The following ATP11A variants were observed in gnomAD, a reference collection of about 807,000 sequenced individuals.
ATP11A encodes ATPase phospholipid transporting 11A, also known as phospholipid-transporting ATPase IH.
A neutral mutation model predicts 154.4 loss-of-function variants in ATP11A; 81 were observed. The ratio of observed to expected loss-of-function variants is 0.52; its 90% CI spans 0.44 to 0.63. ATP11A has a LOEUF of 0.63. ATP11A is among the 30% of genes least tolerant of loss of function. The probability of loss-of-function intolerance (pLI) is 0.00; values close to 1 mark genes in which losing one functional copy is unlikely to be tolerated. For missense variants in ATP11A, 1,316 were observed against 1,474.3 expected (o/e 0.89, Z 1.76); for synonymous variants, 623 against 585.9 (o/e 1.06, Z -0.91).
chr13:112,878,763 T>C (rs1566608786), intron 29 of ATP11A, among the ~76,000 whole-genome samples: 1 of 152,246 alleles, frequency 6.6e-6, no homozygotes, highest in African/African-American at 2.4e-5. Flanking sequence ...GTGCCCATTC[T>C]GCAGCTGGAA....
rs1410324605 is a variant in ATP11A, at chr13:112,865,140, C to T, written c.2991+2565C>T. On this transcript the variant is annotated intron_variant, in intron 25 of 29. Transcript: ENST00000375645. ...CCAGCGGGGTCCATCACCACCTGCG[C>T]AGTAATTCAGTGCAGGCCCGCGCAG... is the stretch of plus-strand genomic sequence containing the variant. 2.1e-5 allele frequency among the ~76,000 whole-genome samples: 2 copies of T among 95,360 alleles called. 1 individual carries two copies. Among genetic ancestry groups the T allele is most frequent in the Non-Finnish European group, 4.4e-5 (2 of 45,858 alleles). The allele number at this position is 95,360 out of a possible 152,430, so 62.6% of individuals were successfully genotyped here. A position where few individuals can be genotyped will look rare whatever the true frequency, so the allele number is the denominator to read the frequency against.
Position 112,805,044 on chromosome 13 carries a change from C to T in ATP11A, c.250C>T (p.Gln84Ter). 1 of 1,598,592 alleles carries T rather than the reference C, an allele frequency of 6.3e-7. No homozygotes were observed. Among genetic ancestry groups the T allele is most frequent in the Non-Finnish European group, 8.5e-7 (1 of 1,172,362 alleles). The change falls in exon 3 of 30, where the codon CAG becomes TAG. Residue 84 changes from glutamine to a stop codon, truncating the protein, a stop_gained and splice_region_variant. Transcript: ENST00000375645. LOFTEE classifies it high-confidence loss of function. ...NFYFLIIFLV[Q>*]LIIDTPTSPV... Reference sequence around the variant, plus strand: ...TTATTTCCTTATCATATTTCTGGTGCAGGTAAGGCCGGTCATTGTTTTCCA... The same window carrying T: ...TTATTTCCTTATCATATTTCTGGTGTAGGTAAGGCCGGTCATTGTTTTCCA...
At chr13:112,864,083 G>A (rs1301536846) in intron 25 of ATP11A, among the ~76,000 whole-genome samples, 2 of 87,184 alleles carry the variant, frequency 2.3e-5, no homozygotes, top group Admixed American at 1.4e-4. Context: ...AGGCCATGCA[G>A]CTTCTCAGCG....
At chr13:112,766,057 C>T (rs899487449) in intron 1 of ATP11A, among the ~76,000 whole-genome samples, 4 of 152,176 alleles carry the variant, frequency 2.6e-5, no homozygotes, top group South Asian at 2.1e-4. Context: ...TAGAAATTGA[C>T]GCAGCGTTTT....
rs183054785 is a variant in ATP11A at position 112,773,606 on chromosome 13, A to G, written c.40-11529A>G. The stretch of plus-strand genomic sequence containing the variant: ...CAGCCCTGTGGCGGATGGGGGTCCC[A>G]GGAAAGGCCCAGGGCTTTGTCTGCA... On this transcript the variant is annotated intron_variant, in intron 1 of 29. Coordinates refer to ENST00000375645, the MANE Select transcript of ATP11A (RefSeq NM_015205.3). Among the ~76,000 whole-genome samples, 573 of 152,344 alleles carry G rather than the reference A, an allele frequency of 3.8e-3. 3 individuals carry two copies. Among genetic ancestry groups the G allele is most frequent in the African/African-American group, 0.013 (542 of 41,580 alleles).
chr13:112,799,811 T>G (rs2078086912), intron 2 of ATP11A, among the ~76,000 whole-genome samples: 1 of 152,202 alleles, frequency 6.6e-6, no homozygotes, highest in Non-Finnish European at 1.5e-5. Flanking sequence ...CCTTAGCACC[T>G]TTTCAAAGAA....
At chr13:112,736,854 C>T (rs968987266) in intron 1 of ATP11A, among the ~76,000 whole-genome samples, 7 of 152,252 alleles carry the variant, frequency 4.6e-5, no homozygotes, top group Admixed American at 2.0e-4. Context: ...AAAAGAAAAT[C>T]CACAGGACGG....
intron 1 of ATP11A, among the ~76,000 whole-genome samples, chr13:112,726,743 AAG>A (rs1414897452): frequency 1.3e-5 from 2 of 152,312 alleles, no homozygotes; most frequent in African/African-American, 4.8e-5. Context: ...ATTAGTGGTG[AAG>A]AGTGTTATAA....
In ATP11A at chr13:112,881,948, G is replaced by A; in HGVS notation, c.*82G>A. 1 of 1,367,814 alleles carries A rather than the reference G, an allele frequency of 7.3e-7. No homozygotes were observed. 84.7% of individuals were successfully genotyped at this position (1,367,814 alleles called of 1,614,324 possible). Reference sequence around the variant, plus strand: ...CCACTCTCAGCAGGTGACACTCGCGGCCTGGAAGGAGAAGGTGTCCACGGA... The same window carrying A: ...CCACTCTCAGCAGGTGACACTCGCGACCTGGAAGGAGAAGGTGTCCACGGA... On this transcript the variant is annotated 3_prime_UTR_variant, in exon 30 of 30. Coordinates refer to ENST00000375645, the MANE Select transcript of ATP11A (RefSeq NM_015205.3).
At chr13:112,721,552 A>T (rs146567149) in intron 1 of ATP11A, among the ~76,000 whole-genome samples, 89 of 152,316 alleles carry the variant, frequency 5.8e-4, no homozygotes, top group Non-Finnish European at 1.0e-3. Flanking sequence ...TGGACTTGAC[A>T]TCAAAGATGG....
At chr13:112,812,051 A>G (rs56064933) in intron 5 of ATP11A, 28,227 of 152,226 alleles carry the variant, frequency 0.19, 2,739 homozygotes, top group African/African-American at 0.19. Context: ...TGTGTTGGGA[A>G]TATTACAGTT....
At chr13:112,841,421 G>A (rs1375411263) in intron 16 of ATP11A, among the ~76,000 whole-genome samples, 21 of 148,356 alleles carry the variant, frequency 1.4e-4, no homozygotes, top group Non-Finnish European at 2.7e-4. Context: ...ACGTGGCTTC[G>A]CCGTCCAGGG....
intron 1 of ATP11A, among the ~76,000 whole-genome samples, chr13:112,752,209 G>A (rs969511419): frequency 3.3e-5 from 5 of 152,246 alleles, no homozygotes; most frequent in Admixed American, 3.3e-4. Context: ...TCTGGCAGCA[G>A]AGAAGTCACA....
chr13:112,808,384 T>G (rs2078384798), intron 4 of ATP11A, among the ~76,000 whole-genome samples: 1 of 152,066 alleles, frequency 6.6e-6, no homozygotes, highest in Admixed American at 6.5e-5. Flanking sequence ...GGTCTCTTCC[T>G]CTCCCGCGCG....
chr13:112,742,338 G>A (rs569269493), intron 1 of ATP11A, among the ~76,000 whole-genome samples: 176 of 152,248 alleles, frequency 1.2e-3, no homozygotes, highest in African/African-American at 2.3e-3. Context: ...GTCGAGTTGC[G>A]CCTGAGACAC....
rs1360490501 is a variant in ATP11A, at chr13:112,883,150, G to T, written c.*1284G>T. 14 of 386,222 alleles carry T rather than the reference G, an allele frequency of 3.6e-5. No homozygotes were observed. Among genetic ancestry groups the T allele is most frequent in the Non-Finnish European group, 5.9e-5 (13 of 222,208 alleles). 23.9% of individuals were successfully genotyped at this position (386,222 alleles called of 1,614,324 possible). On this transcript the variant is annotated 3_prime_UTR_variant, in exon 30 of 30. Transcript: ENST00000375645. Reference sequence around the variant, plus strand: ...CATCCCCACGTCCTCTCGTCCCCTTGTCCCGTCCCCACATACCCTCGTCCC... The same window carrying T: ...CATCCCCACGTCCTCTCGTCCCCTTTTCCCGTCCCCACATACCCTCGTCCC...
intron 5 of ATP11A, 39 bp from the exon 6 acceptor site, chr13:112,816,044 G>T (rs1282319583): frequency 1.2e-6 from 2 of 1,611,962 alleles, no homozygotes; most frequent in Non-Finnish European, 1.7e-6. Flanking sequence ...TTTCACGGAG[G>T]GGCTTTCCAT....
intron 6 of ATP11A, among the ~76,000 whole-genome samples, chr13:112,818,677 C>A (rs1222168926): frequency 6.6e-6 from 1 of 152,180 alleles, no homozygotes; most frequent in Non-Finnish European, 1.5e-5. Context: ...GTTCTGAGAG[C>A]AGCAGCATCG....
intron 9 of ATP11A, among the ~76,000 whole-genome samples, chr13:112,824,085 C>T (rs968659426): frequency 6.6e-6 from 1 of 151,988 alleles, no homozygotes. Flanking sequence ...ATTAAGAACT[C>T]GTGGACATGG....
Sources: gnomAD v4.1 joint callset for allele counts (sites outside exome capture counted in the v4.1 genomes callset) on GRCh38, gnomAD v4.1.1 for gene constraint, MANE v1.5 for transcripts, NCBI Gene and HGNC (gene_info 2026-07-23, HGNC 2026-07-21) for gene names.